Variants in GK5 observed in about 807,000 individuals in gnomAD.
GK5 encodes the protein glycerol kinase 5.
GK5 carries 39 observed loss-of-function variants against 77.3 expected under a neutral mutation model. The observed-to-expected ratio is 0.50, with a 90% CI of 0.39 to 0.66. The LOEUF (loss-of-function observed/expected upper bound fraction) is 0.66, where lower values mean the gene tolerates loss of function less well. GK5 is among the 30% of genes least tolerant of loss of function. GK5 has a pLI of 0.00. For synonymous variants in GK5, 211 were observed against 208.0 expected, an observed-to-expected ratio of 1.01 and a Z score of -0.13; for missense variants, 487 against 633.8, an observed-to-expected ratio of 0.77 and a Z score of 2.49.
intron 5 of GK5, among the ~76,000 whole-genome samples, chr3:142,192,333 T>C (rs1243707770): frequency 6.6e-6 from 1 of 152,240 alleles, no homozygotes; most frequent in Admixed American, 6.5e-5. Context: ...AGTCTTACCA[T>C]ATGATCCAAC....
intron 11 of GK5, among the ~76,000 whole-genome samples, chr3:142,178,588 G>A (rs899092610): frequency 1.3e-5 from 2 of 152,148 alleles, no homozygotes; most frequent in Admixed American, 1.3e-4. Flanking sequence ...ACTGTTACAT[G>A]TAGTTGTACT....
chr3:142,174,265 A>G (rs1560211448), intron 12 of GK5, among the ~76,000 whole-genome samples: 2 of 152,172 alleles, frequency 1.3e-5, no homozygotes, highest in African/African-American at 2.4e-5. Flanking sequence ...AAGAAATTCT[A>G]TATTACATCT....
intron 1 of GK5, among the ~76,000 whole-genome samples, chr3:142,222,280 C>A (rs2064359800): frequency 6.6e-6 from 1 of 152,090 alleles, no homozygotes; most frequent in Non-Finnish European, 1.5e-5. Flanking sequence ...AATTTCTATT[C>A]ATTGGCCAGG....
At chr3:142,187,659 A>G (rs1050383685) in intron 6 of GK5, 45 bp downstream of exon 6, 5 of 1,315,372 alleles carry the variant, frequency 3.8e-6, no homozygotes, top group Non-Finnish European at 4.3e-6. Flanking sequence ...ATTTCTCTTG[A>G]TCAAATTTCG....
At chr3:142,185,769 T>A in intron 9 of GK5, 160 bp downstream of exon 9, 1 of 1,558,584 alleles carries the variant, frequency 6.4e-7, no homozygotes, top group East Asian at 2.3e-5. Context: ...TAGCAGATAT[T>A]CTGGTCATAT....
At chr3:142,187,579 T>C (rs2063789344) in intron 6 of GK5, 125 bp downstream of exon 6, 2 of 681,428 alleles carry the variant, frequency 2.9e-6, no homozygotes, top group South Asian at 1.7e-5. Flanking sequence ...CACTCCCGCC[T>C]GGTTGACAGA....
rs144429054 is a variant in GK5 at position 142,204,641 on chromosome 3, C to T, written c.411+54G>A. The T allele has an allele frequency of 1.9e-3, 1,828 of 941,218 alleles. 24 individuals are homozygous for T. The African/African-American group carries it at 0.025, about 13-fold the overall frequency. The allele number at this position is 941,218 out of a possible 1,614,324, so 58.3% of individuals were successfully genotyped here. Reference sequence around the variant, plus strand: ...GGTAGGAAATAATACAATTAAGGGACATTTACAGAAAAAAAAAACCAACAA... The same window carrying T: ...GGTAGGAAATAATACAATTAAGGGATATTTACAGAAAAAAAAAACCAACAA... On this transcript the variant is annotated intron_variant, in intron 4 of 15. Coordinates refer to ENST00000392993, the MANE Select transcript of GK5 (RefSeq NM_001039547.3).
chr3:142,218,351 G>A (rs562271573), intron 1 of GK5, among the ~76,000 whole-genome samples: 24 of 148,438 alleles, frequency 1.6e-4, no homozygotes, highest in African/African-American at 4.3e-4. Flanking sequence ...TGGGCAACGC[G>A]GTGAAACTCC....
intron 2 of GK5, among the ~76,000 whole-genome samples, chr3:142,214,415 C>T (rs957019128): frequency 2.0e-5 from 3 of 152,110 alleles, no homozygotes; most frequent in Non-Finnish European, 1.5e-5. Context: ...TATAGCAACT[C>T]GAGTATTTTT....
intron 1 of GK5, among the ~76,000 whole-genome samples, chr3:142,220,381 C>T (rs368820828): frequency 2.0e-5 from 3 of 152,130 alleles, no homozygotes; most frequent in East Asian, 1.9e-4. Flanking sequence ...GTGATCCGCC[C>T]GCCTCAGCCT....
At chr3:142,221,261 A>T (rs879915988) in intron 1 of GK5, among the ~76,000 whole-genome samples, 27 of 152,220 alleles carry the variant, frequency 1.8e-4, no homozygotes, top group Non-Finnish European at 3.8e-4. Context: ...CTGTCAATTA[A>T]TACTTCTGCC....
intron 5 of GK5, among the ~76,000 whole-genome samples, chr3:142,198,058 T>C (rs182142292): frequency 1.0e-3 from 157 of 151,046 alleles, no homozygotes; most frequent in Middle Eastern, 6.9e-3. Context: ...ATATACACAT[T>C]CATGCCCTAA....
intron 1 of GK5, among the ~76,000 whole-genome samples, chr3:142,223,643 A>G (rs1411682447): frequency 6.6e-6 from 1 of 152,244 alleles, no homozygotes; most frequent in Non-Finnish European, 1.5e-5. Flanking sequence ...GTTCAAGACC[A>G]GCCTGGCCAA....
At chr3:142,193,522 A>G (rs1187650737) in intron 5 of GK5, among the ~76,000 whole-genome samples, 2 of 151,508 alleles carry the variant, frequency 1.3e-5, no homozygotes, top group Non-Finnish European at 2.9e-5. Context: ...AAATTTTGGT[A>G]GAAATTGTGT....
Position 142,186,524 on chromosome 3 carries a change from A to G in GK5, c.620-11T>C, listed in dbSNP as rs767913974. On this transcript the variant is annotated splice_polypyrimidine_tract_variant and intron_variant, in intron 6 of 15. Coordinates refer to ENST00000392993, the MANE Select transcript of GK5 (RefSeq NM_001039547.3). The stretch of plus-strand genomic sequence containing the variant: ...TGGCATATACAGAACCTAAATTTAA[A>G]TAGGAAATAATACATTTATTATCAG... 7.8e-7 allele frequency: 1 copy of G among 1,279,002 alleles called. No homozygotes were observed. The highest frequency in any genetic ancestry group is 2.4e-5 in the East Asian group (1 of 41,572). 79.2% of individuals were successfully genotyped at this position (1,279,002 alleles called of 1,614,324 possible).
rs374229447 is a variant in GK5 at position 142,158,461 on chromosome 3, A to G, written c.*7161T>C. 6.5e-6 allele frequency: 1 copy of G among 152,724 alleles called. No individual in the cohort carries two copies. The highest frequency in any genetic ancestry group is 2.4e-5 in the African/African-American group (1 of 41,582). 9.5% of individuals were successfully genotyped at this position (152,724 alleles called of 1,614,324 possible). A position where few individuals can be genotyped will look rare whatever the true frequency, so the allele number is the denominator to read the frequency against. ...GTCCTGGTAATTTTTTTTAAATCTA[A>G]AAGTAGACAAAAAGGGAAGGGAAAA... On this transcript the variant is annotated 3_prime_UTR_variant, in exon 16 of 16. Coordinates refer to ENST00000392993, the MANE Select transcript of GK5 (RefSeq NM_001039547.3).
chr3:142,211,183 A>T (rs1448794124), intron 3 of GK5, among the ~76,000 whole-genome samples: 4 of 152,158 alleles, frequency 2.6e-5, no homozygotes, highest in Admixed American at 1.3e-4. Flanking sequence ...GGTTGGTACA[A>T]ATGGTGGTGA....
intron 12 of GK5, chr3:142,173,059 C>A: frequency 7.0e-6 from 2 of 287,564 alleles, no homozygotes; most frequent in Non-Finnish European, 1.4e-5. Flanking sequence ...TAAATATTAG[C>A]TGGGTGTGAT....
chr3:142,180,333 G>T (rs1216777681), intron 11 of GK5, among the ~76,000 whole-genome samples: 1 of 146,476 alleles, frequency 6.8e-6, no homozygotes, highest in Non-Finnish European at 1.5e-5. Context: ...ACGGAGTTTT[G>T]CTCTTGTTGC....
Sources: allele counts gnomAD v4.1 joint callset (sites outside exome capture counted in the v4.1 genomes callset), GRCh38; gene constraint gnomAD v4.1.1; transcripts MANE v1.5; gene names NCBI Gene and HGNC (gene_info 2026-07-23, HGNC 2026-07-21).